PDIA3: variants seen among roughly 807,000 people sequenced by gnomAD.
The protein encoded by PDIA3 is protein disulfide-isomerase A3.
Under a neutral mutation model 56.9 loss-of-function variants are expected in PDIA3, and 16 were observed. That is an observed-to-expected ratio of 0.28 (90% CI 0.19 to 0.43). The LOEUF (loss-of-function observed/expected upper bound fraction) is 0.43. Among genes scored for constraint, PDIA3 ranks in the 20% least tolerant of loss-of-function variants. The pLI, the probability that PDIA3 is intolerant of heterozygous loss-of-function variation, is 1.00. For missense variants in PDIA3, 485 were observed against 621.3 expected (o/e 0.78, Z 2.33); for synonymous variants, 192 against 216.5 (o/e 0.89, Z 0.99).
rs1188154467 is a variant in PDIA3 at position 43,771,089 on chromosome 15, A to C, written c.1405-16A>C. On this transcript the variant is annotated splice_polypyrimidine_tract_variant and intron_variant, in intron 12 of 12. Coordinates refer to ENST00000300289, the MANE Select transcript of PDIA3 (RefSeq NM_005313.5). ...TTTAAAAAGTTACACTTTTAAGCTG[A>C]TCTTTCTGTTTTCAGGGTGGCCGTG... 1 of 1,563,112 alleles carries C rather than the reference A, an allele frequency of 6.4e-7. No individual in the cohort carries two copies. The highest frequency in any genetic ancestry group is 1.7e-5 in the Admixed American group (1 of 59,112).
chr15:43,758,618 A>C (rs1197169915), intron 3 of PDIA3, among the ~76,000 whole-genome samples: 1 of 150,428 alleles, frequency 6.6e-6, no homozygotes, highest in Non-Finnish European at 1.5e-5. Flanking sequence ...AGATCGGGCC[A>C]CTGCACTCCA....
intron 1 of PDIA3, chr15:43,752,825 G>A (rs753556158): frequency 3.0e-5 from 14 of 470,870 alleles, no homozygotes; most frequent in Admixed American, 7.1e-5. Context: ...CCTTCTCAAC[G>A]TGATCCCTCT....
intron 2 of PDIA3, among the ~76,000 whole-genome samples, chr15:43,754,916 T>C (rs970257656): frequency 1.3e-5 from 2 of 151,444 alleles, no homozygotes; most frequent in Non-Finnish European, 2.9e-5. Flanking sequence ...GATTGAACCA[T>C]TGCACTCTAG....
chr15:43,749,414 C>G (rs1255453443), intron 1 of PDIA3, among the ~76,000 whole-genome samples: 3 of 152,060 alleles, frequency 2.0e-5, no homozygotes, highest in Non-Finnish European at 4.4e-5. Context: ...ATTAACATTT[C>G]AGCTGGAAAT....
Position 43,768,480 on chromosome 15 carries a change from C to T in PDIA3, c.1029-9C>T, listed in dbSNP as rs1166692653. ...ATTAACAAGCCTTACCCTTGTTTTCCAATTGTAGGCGTGATGGGAAGGCTC... is the reference window on the plus strand; with the variant it reads ...ATTAACAAGCCTTACCCTTGTTTTCTAATTGTAGGCGTGATGGGAAGGCTC... On this transcript the variant is annotated splice_polypyrimidine_tract_variant and intron_variant, in intron 8 of 12. Coordinates refer to ENST00000300289, the MANE Select transcript of PDIA3 (RefSeq NM_005313.5). 6 of 1,598,000 alleles carry T rather than the reference C, an allele frequency of 3.8e-6. No homozygotes were observed. The highest frequency in any genetic ancestry group is 1.7e-4 in the Middle Eastern group (1 of 6,042).
intron 2 of PDIA3, among the ~76,000 whole-genome samples, chr15:43,756,340 A>G (rs892520752): frequency 3.3e-5 from 5 of 152,204 alleles, no homozygotes; most frequent in African/African-American, 1.2e-4. Context: ...TTTATCCCTC[A>G]TGTGTTCTGA....
intron 1 of PDIA3, among the ~76,000 whole-genome samples, chr15:43,749,529 C>T (rs1349477436): frequency 6.6e-6 from 1 of 152,188 alleles, no homozygotes; most frequent in African/African-American, 2.4e-5. Flanking sequence ...CCCTGTTGTG[C>T]ATTCCTGTAA....
intron 1 of PDIA3, among the ~76,000 whole-genome samples, chr15:43,749,835 A>C (rs1271828211): frequency 6.6e-6 from 1 of 152,098 alleles, no homozygotes; most frequent in Non-Finnish European, 1.5e-5. Flanking sequence ...CTAGCTACTC[A>C]GGAGGCTGAG....
intron 2 of PDIA3, among the ~76,000 whole-genome samples, chr15:43,754,788 A>C (rs2086767452): frequency 6.6e-6 from 1 of 152,030 alleles, no homozygotes; most frequent in African/African-American, 2.4e-5. Flanking sequence ...CAGCCTGGGC[A>C]ACATGGCAAA....
At chr15:43,767,833 G>A (rs947349589) in intron 8 of PDIA3, among the ~76,000 whole-genome samples, 1 of 147,682 alleles carries the variant, frequency 6.8e-6, no homozygotes, top group African/African-American at 2.5e-5. Context: ...TGGGCCAGAT[G>A]TGGTGGCTCA....
chr15:43,757,382 C>A (rs1164473508), intron 3 of PDIA3, among the ~76,000 whole-genome samples: 4 of 151,852 alleles, frequency 2.6e-5, no homozygotes, highest in Admixed American at 2.0e-4. Flanking sequence ...CACAGTGAAA[C>A]CCCATCTCTA....
intron 4 of PDIA3, among the ~76,000 whole-genome samples, chr15:43,762,806 C>T (rs1395715413): frequency 1.3e-5 from 2 of 152,118 alleles, no homozygotes. Flanking sequence ...AAGCAATTTG[C>T]CCAAATTTGT....
chr15:43,768,038 C>T (rs7175032), intron 8 of PDIA3, among the ~76,000 whole-genome samples: 24,550 of 152,034 alleles, frequency 0.16, 2,598 homozygotes, highest in African/African-American at 0.29. Context: ...CTCATCCCTA[C>T]AGAATGTATT....
At chr15:43,752,772 T>A (rs759601786) in intron 1 of PDIA3, 76 of 470,838 alleles carry the variant, frequency 1.6e-4, no homozygotes, top group Non-Finnish European at 2.9e-4. Flanking sequence ...TCTTCTCTAT[T>A]ATATTTCTAT....
In PDIA3 at chr15:43,759,489, C is replaced by G. The variant is rs191620712; in HGVS notation, c.365-1935C>G. ...TACAGGAAACAGTGTTATTCTAGGA[C>G]TTGCTATGCATTCTTTCTCTTGAAG... On this transcript the variant is annotated intron_variant, in intron 3 of 12. Coordinates refer to ENST00000300289, the MANE Select transcript of PDIA3 (RefSeq NM_005313.5). 1.3e-3 allele frequency among the ~76,000 whole-genome samples: 204 copies of G among 151,962 alleles called. 1 individual carries two copies. Among genetic ancestry groups the G allele is most frequent in the African/African-American group, 4.6e-3 (191 of 41,454 alleles).
chr15:43,767,017 T>C (rs2086851354), intron 8 of PDIA3, 107 bp downstream of exon 8: 14 of 999,936 alleles, frequency 1.4e-5, no homozygotes, highest in Non-Finnish European at 2.0e-5. Context: ...ATAGGTCTTT[T>C]AATCAAGACC....
chr15:43,757,719 G>A (rs1356163490), intron 3 of PDIA3, among the ~76,000 whole-genome samples: 2 of 151,974 alleles, frequency 1.3e-5, no homozygotes, highest in African/African-American at 4.8e-5. Context: ...AATTAGCACT[G>A]GGCGTGGTGG....
In PDIA3 at chr15:43,768,027, C is replaced by G. The variant is rs139705853; in HGVS notation, c.1029-462C>G. Among the ~76,000 whole-genome samples, 367 of 152,258 alleles carry G rather than the reference C, an allele frequency of 2.4e-3. 6 individuals are homozygous for G. In the East Asian group the frequency reaches 0.044, roughly 18 times the overall value. On this transcript the variant is annotated intron_variant, in intron 8 of 12. Transcript: ENST00000300289. The stretch of plus-strand genomic sequence containing the variant: ...AATTTCAAACCAAACCATTCCCCCC[C>G]CTCATCCCTACAGAATGTATTTTCT...
intron 4 of PDIA3, 121 bp from the exon 5 acceptor site, chr15:43,762,956 C>A: frequency 1.1e-6 from 1 of 942,012 alleles, no homozygotes; most frequent in Non-Finnish European, 1.6e-6. Context: ...CATGGCAAAG[C>A]AGACCCAGTC....
Sources: allele counts gnomAD v4.1 joint callset (sites outside exome capture counted in the v4.1 genomes callset), GRCh38; gene constraint gnomAD v4.1.1; transcripts MANE v1.5; gene names NCBI Gene and HGNC (gene_info 2026-07-23, HGNC 2026-07-21).